Variants in KANSL1 observed in about 807,000 individuals in gnomAD.
The protein encoded by KANSL1 is KAT8 regulatory NSL complex subunit 1.
In KANSL1, 22 loss-of-function variants were observed where a neutral mutation model predicts 103.6. That is an observed-to-expected ratio of 0.21 (90% CI 0.15 to 0.30). KANSL1 has a LOEUF of 0.30. Ranked by LOEUF, KANSL1 falls within the 10% of genes least tolerant of loss-of-function variation. KANSL1 has a pLI of 1.00. For synonymous variants in KANSL1, 600 were observed against 527.6 expected (o/e 1.14, Z -1.88); for missense variants, 1,337 against 1,399.8 (o/e 0.96, Z 0.72).
At chr17:46,124,852 T>TGAAAC (rs2043443915) in intron 2 of KANSL1, among the ~76,000 whole-genome samples, 2 of 151,384 alleles carry the variant, frequency 1.3e-5, no homozygotes, top group Admixed American at 1.3e-4. Flanking sequence ...GTGATAAAAC[T>TGAAAC]GAAACAGATG....
At chr17:46,133,168 C>T (rs1438183635) in intron 2 of KANSL1, among the ~76,000 whole-genome samples, 5 of 152,068 alleles carry the variant, frequency 3.3e-5, no homozygotes, top group African/African-American at 9.7e-5. Flanking sequence ...TTGTCAAAGG[C>T]GGCTCAATTT....
chr17:46,137,075 A>C (rs546851291), intron 2 of KANSL1, among the ~76,000 whole-genome samples: 1 of 152,234 alleles, frequency 6.6e-6, no homozygotes, highest in South Asian at 2.1e-4. Context: ...ACAGTATAAC[A>C]CAGAAACAGC....
intron 2 of KANSL1, among the ~76,000 whole-genome samples, chr17:46,163,365 GTTT>G (rs1277655942): frequency 6.6e-6 from 1 of 152,156 alleles, no homozygotes; most frequent in Non-Finnish European, 1.5e-5. Flanking sequence ...TTTCCTCACT[GTTT>G]TTTATTTTTT....
intron 2 of KANSL1, among the ~76,000 whole-genome samples, chr17:46,105,948 C>CACACACACACACACACACACA (rs373189477): frequency 7.7e-5 from 3 of 39,048 alleles, no homozygotes; most frequent in African/African-American, 2.5e-4. Flanking sequence ...CACACACACA[C>CACACACACACACACACACACA]CCCCCCAGAA....
intron 2 of KANSL1, among the ~76,000 whole-genome samples, chr17:46,123,496 A>G (rs539909469): frequency 6.6e-6 from 1 of 152,370 alleles, no homozygotes; most frequent in East Asian, 1.9e-4. Flanking sequence ...GCAAACTTGT[A>G]AATGCAAAAG....
chr17:46,094,375 G>A (rs2079533026), intron 3 of KANSL1, 185 bp downstream of exon 3: 3 of 712,726 alleles, frequency 4.2e-6, no homozygotes, highest in Non-Finnish European at 6.6e-6. Context: ...GGGATCACAA[G>A]AGTGAGCCAC....
chr17:46,161,506 T>G (rs2045743116), intron 2 of KANSL1, among the ~76,000 whole-genome samples: 1 of 152,118 alleles, frequency 6.6e-6, no homozygotes, highest in African/African-American at 2.4e-5. Flanking sequence ...GTTCTCAGGT[T>G]TAAGACTAAT....
chr17:46,193,524 C>G (rs2047472655), upstream of KANSL1: 1 of 147,734 alleles, frequency 6.8e-6, no homozygotes, highest in African/African-American at 2.4e-5. Context: ...AGGGCCGCTC[C>G]ACCCCGGCGC....
chr17:46,223,439 T>C (rs1367697706), intron 1 of KANSL1: 2 of 151,326 alleles, frequency 1.3e-5, no homozygotes, highest in Non-Finnish European at 2.9e-5. Flanking sequence ...CTGCCTTTCA[T>C]TATAATGGAA....
At chr17:46,170,758 T>TA (rs1260705318) in intron 2 of KANSL1, 97 bp downstream of exon 2, 2 of 1,322,674 alleles carry the variant, frequency 1.5e-6, no homozygotes, top group African/African-American at 3.1e-5. Flanking sequence ...TAGACACCTA[T>TA]GTACAAAGAA....
rs570225176 is a variant in KANSL1 at position 46,063,709 on chromosome 17, A to G, written c.1848+2828T>C. ...AGCTACCTTTTATAATTTTATATGT[A>G]CATTCAAAACTACATTCGTTCTTAG... On this transcript the variant is annotated intron_variant, in intron 6 of 14. Coordinates refer to ENST00000432791, the MANE Select transcript of KANSL1 (RefSeq NM_015443.4). 5.3e-5 allele frequency among the ~76,000 whole-genome samples: 8 copies of G among 152,310 alleles called. 1 individual carries two copies. The South Asian group carries it at 1.7e-3, about 32-fold the overall frequency.
intron 10 of KANSL1, 162 bp from the exon 11 acceptor site, chr17:46,034,447 C>A: frequency 1.5e-6 from 1 of 663,256 alleles, no homozygotes; most frequent in Admixed American, 3.1e-5. Flanking sequence ...AGTCAGTCTC[C>A]AACAGCAAAA....
At chr17:46,080,918 C>T (rs1363530007) in intron 4 of KANSL1, among the ~76,000 whole-genome samples, 3 of 152,000 alleles carry the variant, frequency 2.0e-5, no homozygotes, top group Non-Finnish European at 2.9e-5. Flanking sequence ...ACTAGTATGG[C>T]CAACACAAAG....
chr17:46,089,680 T>C (rs2079307050), intron 3 of KANSL1, among the ~76,000 whole-genome samples: 1 of 152,040 alleles, frequency 6.6e-6, no homozygotes. Flanking sequence ...CTTTCTTCCA[T>C]TTCAGTAACT....
At chr17:46,107,469 C>T (rs898093091) in intron 2 of KANSL1, among the ~76,000 whole-genome samples, 2 of 152,178 alleles carry the variant, frequency 1.3e-5, no homozygotes, top group African/African-American at 4.8e-5. Flanking sequence ...TGAGTACTCC[C>T]TCCTTCAAAT....
Position 46,171,781 on chromosome 17 carries a change from T to C in KANSL1, c.363A>G (p.Arg121=). The C allele has an allele frequency of 6.2e-7, 1 of 1,610,824 alleles. No homozygotes were observed. The highest frequency in any genetic ancestry group is 1.3e-5 in the African/African-American group (1 of 74,736). ...HPLLSQSYEL[R]AELLGRQPVL... is the part of the protein sequence containing the mutation. ...CTGGCTGTCTCCCCAACAGCTCAGC[T>C]CGGAGTTCATAGGACTGAGATAAGA... Residue 121 remains arginine (R), a synonymous_variant, in exon 2 of 15, where the codon CGA becomes CGG. Coordinates refer to ENST00000432791, the MANE Select transcript of KANSL1 (RefSeq NM_015443.4).
At chr17:46,158,290 ACTT>A (rs1291700420) in intron 2 of KANSL1, among the ~76,000 whole-genome samples, 2 of 151,990 alleles carry the variant, frequency 1.3e-5, no homozygotes, top group Admixed American at 6.6e-5. Flanking sequence ...GAATAACAAA[ACTT>A]CTTTATTGTT....
At chr17:46,175,190 A>C (rs2046459437) in intron 1 of KANSL1, among the ~76,000 whole-genome samples, 1 of 152,330 alleles carries the variant, frequency 6.6e-6, no homozygotes, top group Middle Eastern at 3.4e-3. Context: ...ACAGGACCAC[A>C]GTAAGCTTCT....
intron 3 of KANSL1, among the ~76,000 whole-genome samples, chr17:46,091,945 T>C (rs1194357472): frequency 2.0e-5 from 3 of 151,176 alleles, no homozygotes; most frequent in Non-Finnish European, 4.4e-5. Flanking sequence ...GCCTCCCGAG[T>C]AGCTGGGATT....
Sources: allele counts gnomAD v4.1 joint callset (sites outside exome capture counted in the v4.1 genomes callset), GRCh38; gene constraint gnomAD v4.1.1; transcripts MANE v1.5; gene names NCBI Gene and HGNC (gene_info 2026-07-23, HGNC 2026-07-21).